FHOD3: variants seen among roughly 807,000 people sequenced by gnomAD.
FHOD3 encodes FH1/FH2 domain-containing protein 3.
A neutral mutation model predicts 173.0 loss-of-function variants in FHOD3; 90 were observed. That is an observed-to-expected ratio of 0.52 (90% CI 0.44 to 0.62). The LOEUF is 0.62. Ranked by LOEUF, FHOD3 falls within the 20% of genes least tolerant of loss-of-function variation. The probability of loss-of-function intolerance (pLI) is 0.00; values close to 1 mark genes in which losing one functional copy is unlikely to be tolerated. For missense variants in FHOD3, 1,945 were observed against 2,034.7 expected, an observed-to-expected ratio of 0.96 and a Z score of 0.85; for synonymous variants, 828 against 823.0, an observed-to-expected ratio of 1.01 and a Z score of -0.10.
chr18:36,397,981 G>T (rs1365358948), intron 3 of FHOD3, among the ~76,000 whole-genome samples: 1 of 152,190 alleles, frequency 6.6e-6, no homozygotes, highest in African/African-American at 2.4e-5. Flanking sequence ...TGTGGATACA[G>T]GTAGCTGCTA....
At chr18:36,579,494 GTCTGAATGTGCC>G (rs2058770166) in intron 6 of FHOD3, among the ~76,000 whole-genome samples, 1 of 152,184 alleles carries the variant, frequency 6.6e-6, no homozygotes, top group African/African-American at 2.4e-5. Flanking sequence ...GAATGCTGTG[GTCTGAATGTGCC>G]TCCCTAAATT....
At chr18:36,647,264 C>CA (rs964717756) in intron 10 of FHOD3, among the ~76,000 whole-genome samples, 7 of 151,456 alleles carry the variant, frequency 4.6e-5, no homozygotes, top group Admixed American at 1.3e-4. Context: ...TCTTCAAATA[C>CA]AAAAAAAAAT....
In FHOD3 at chr18:36,760,774, C is replaced by G. The variant is rs763118335; in HGVS notation, c.4616C>G (p.Ala1539Gly). The G allele has an allele frequency of 2.5e-6, 4 of 1,608,510 alleles. No homozygotes were observed. In the Admixed American group the frequency reaches 6.7e-5, roughly 27 times the overall value. Residue 1539 changes from alanine (A) to glycine (G), a missense_variant, in exon 27 of 29, where the codon GCA (alanine) becomes GGA (glycine). Coordinates refer to ENST00000590592, the MANE Select transcript of FHOD3 (RefSeq NM_001281740.3). The part of the protein sequence containing the change: ...PALGVRTRSR[A>G]SRGSTSSWTM... ...CTGGGCGTCCGCACACGCAGCCGAG[C>G]AAGCCGAGGTAACTCCTGGCTGCGC...
chr18:36,447,350 C>G (rs1281890847), intron 3 of FHOD3, among the ~76,000 whole-genome samples: 1 of 152,174 alleles, frequency 6.6e-6, no homozygotes, highest in Non-Finnish European at 1.5e-5. Flanking sequence ...GCCAGAGGAT[C>G]TCTCAGGATG....
chr18:36,364,919 G>A (rs969909069), intron 2 of FHOD3, among the ~76,000 whole-genome samples: 2 of 152,094 alleles, frequency 1.3e-5, no homozygotes, highest in Admixed American at 6.5e-5. Context: ...GGTGGTGGGG[G>A]CAGAGGCTGG....
At chr18:36,722,926 A>C (rs2040862657) in intron 19 of FHOD3, among the ~76,000 whole-genome samples, 1 of 151,938 alleles carries the variant, frequency 6.6e-6, no homozygotes, top group Non-Finnish European at 1.5e-5. Context: ...TTCAGGACAT[A>C]ATAAGTTATT....
intron 3 of FHOD3, among the ~76,000 whole-genome samples, chr18:36,424,225 A>G (rs1057339129): frequency 6.6e-6 from 1 of 152,064 alleles, no homozygotes; most frequent in Admixed American, 6.5e-5. Flanking sequence ...CCACAAGCAC[A>G]CTTTGGTTTC....
Position 36,659,489 on chromosome 18 carries a change from G to A in FHOD3, c.1835+1301G>A, listed in dbSNP as rs531646927. ...CCATACAGATGACCCTTGTCAAATG[G>A]GATGTAAGATTTGGGGCCAAAGTGA... is the stretch of plus-strand genomic sequence containing the variant. On this transcript the variant is annotated intron_variant, in intron 14 of 28. Coordinates refer to ENST00000590592, the MANE Select transcript of FHOD3 (RefSeq NM_001281740.3). Among the ~76,000 whole-genome samples, 7 of 152,300 alleles carry A rather than the reference G, an allele frequency of 4.6e-5. No individual in the cohort carries two copies. In the South Asian group the frequency reaches 1.5e-3, roughly 32 times the overall value.
chr18:36,708,986 T>G, intron 17 of FHOD3, 109 bp from the exon 18 acceptor site: 1 of 1,357,288 alleles, frequency 7.4e-7, no homozygotes, highest in Non-Finnish European at 1.0e-6. Flanking sequence ...GGGGGCCATC[T>G]TTGGACATCT....
chr18:36,500,507 C>T (rs1345597822), intron 3 of FHOD3, among the ~76,000 whole-genome samples: 2 of 152,178 alleles, frequency 1.3e-5, no homozygotes, highest in Non-Finnish European at 2.9e-5. Flanking sequence ...TGGCCAATGA[C>T]GTGACATTGT....
intron 3 of FHOD3, among the ~76,000 whole-genome samples, chr18:36,423,064 G>A (rs1015452255): frequency 5.9e-5 from 9 of 151,636 alleles, no homozygotes; most frequent in African/African-American, 2.2e-4. Context: ...TCTGCTTCCT[G>A]GAGGTACACA....
At chr18:36,762,828 T>C (rs2042938826) in intron 27 of FHOD3, among the ~76,000 whole-genome samples, 1 of 147,990 alleles carries the variant, frequency 6.8e-6, no homozygotes, top group Admixed American at 6.8e-5. Context: ...ATATATTTTA[T>C]ATATATTATA....
chr18:36,611,575 A>C (rs1390301482), intron 8 of FHOD3, among the ~76,000 whole-genome samples: 1 of 152,190 alleles, frequency 6.6e-6, no homozygotes, highest in Non-Finnish European at 1.5e-5. Context: ...GGCCTACCTG[A>C]TTATCACCTA....
At chr18:36,429,723 C>T (rs2050432487) in intron 3 of FHOD3, among the ~76,000 whole-genome samples, 1 of 152,094 alleles carries the variant, frequency 6.6e-6, no homozygotes, top group South Asian at 2.1e-4. Context: ...AGCTCCGCAC[C>T]CATGAAGCTG....
intron 12 of FHOD3, 73 bp from the exon 13 acceptor site, chr18:36,653,269 G>T: frequency 8.2e-7 from 1 of 1,213,396 alleles, no homozygotes; most frequent in South Asian, 1.4e-5. Context: ...TCTTTTTGAC[G>T]CTGAAGAATG....
At chr18:36,356,944 C>A (rs2046389608) in intron 2 of FHOD3, among the ~76,000 whole-genome samples, 1 of 151,966 alleles carries the variant, frequency 6.6e-6, no homozygotes, top group Non-Finnish European at 1.5e-5. Context: ...TACTTCTTAT[C>A]CATCTCGAAC....
At chr18:36,620,465 G>T (rs185603469) in intron 9 of FHOD3, among the ~76,000 whole-genome samples, 17 of 152,278 alleles carry the variant, frequency 1.1e-4, no homozygotes, top group African/African-American at 4.1e-4. Context: ...GCTGATGAGA[G>T]GGTGCTGCCT....
chr18:36,630,268 A>G (rs1021837652), intron 10 of FHOD3, among the ~76,000 whole-genome samples: 10 of 152,334 alleles, frequency 6.6e-5, no homozygotes, highest in Admixed American at 2.0e-4. Context: ...ATCCATTGGC[A>G]TTTTACAAAC....
At chr18:36,334,288 C>T (rs1229166588) in intron 1 of FHOD3, among the ~76,000 whole-genome samples, 1 of 152,152 alleles carries the variant, frequency 6.6e-6, no homozygotes, top group African/African-American at 2.4e-5. Flanking sequence ...CAGAAAAGCC[C>T]AAGAAGCAAA....
Sources: allele counts gnomAD v4.1 joint callset (sites outside exome capture counted in the v4.1 genomes callset), GRCh38; gene constraint gnomAD v4.1.1; transcripts MANE v1.5; gene names NCBI Gene and HGNC (gene_info 2026-07-23, HGNC 2026-07-21).